The following ABCA3 variants were observed in gnomAD, a reference collection of about 807,000 sequenced individuals.
ABCA3 encodes ATP binding cassette subfamily A member 3, also known as phospholipid-transporting ATPase ABCA3.
ABCA3 carries 88 observed loss-of-function variants against 172.8 expected under a neutral mutation model. That is an observed-to-expected ratio of 0.51 (90% CI 0.43 to 0.61). The LOEUF (loss-of-function observed/expected upper bound fraction) is 0.61, where lower values mean the gene tolerates loss of function less well. Ranked by LOEUF, ABCA3 falls within the 20% of genes least tolerant of loss-of-function variation. The pLI is 0.00. For synonymous variants in ABCA3, 1,066 were observed against 983.8 expected (o/e 1.08, Z -1.56); for missense variants, 2,164 against 2,301.0 (o/e 0.94, Z 1.22).
chr16:2,316,741 C>T (rs1487988640), intron 10 of ABCA3, among the ~76,000 whole-genome samples: 1 of 150,720 alleles, frequency 6.6e-6, no homozygotes, highest in East Asian at 2.0e-4. Flanking sequence ...TGGAGTTTTA[C>T]CTGGGAGGAG....
At chr16:2,336,872 G>A (rs1301762282) in intron 1 of ABCA3, among the ~76,000 whole-genome samples, 2 of 151,488 alleles carry the variant, frequency 1.3e-5, no homozygotes, top group African/African-American at 4.9e-5. Context: ...GCATTCATAT[G>A]TTGGATAAAT....
Position 2,308,463 on chromosome 16 carries a change from T to C in ABCA3, c.1272A>G (p.Lys424=), listed in dbSNP as rs201717660. ...AMAMGAQLIG[K]FEAKGMGIQW... ...GCAAACACTCACCTTTCGCCTCAAA[T>C]TTCCCAATGAGCTGGGCTCCCATTG... The change falls in exon 11 of 33, where the codon AAA becomes AAG. Residue 424 remains lysine (K), a synonymous_variant. Coordinates refer to ENST00000301732, the MANE Select transcript of ABCA3 (RefSeq NM_001089.3). 1.2e-6 allele frequency: 2 copies of C among 1,614,174 alleles called. No homozygotes were observed. Among genetic ancestry groups the C allele is most frequent in the East Asian group, 2.2e-5 (1 of 44,886 alleles).
rs557721019 is a variant in ABCA3 at position 2,284,595 on chromosome 16, C to T, written c.3704-158G>A. ...CTGCCGGCTCTGCACAGGGCAAGGA[C>T]GCCGCAGACGCCTGCCCACCAGTCA... On this transcript the variant is annotated intron_variant, in intron 24 of 32. Transcript: ENST00000301732. The surrounding 1 kb of genome is among the most constrained non-coding windows in gnomAD (Gnocchi z 5.9). 8.5e-5 allele frequency among the ~76,000 whole-genome samples: 13 copies of T among 152,298 alleles called. No homozygotes were observed. The highest frequency in any genetic ancestry group is 2.1e-4 in the South Asian group (1 of 4,820).
In ABCA3 at chr16:2,316,249, C is replaced by T. The variant is rs2093715289; in HGVS notation, c.1111+1034G>A. On this transcript the variant is annotated intron_variant, in intron 10 of 32. Coordinates refer to ENST00000301732, the MANE Select transcript of ABCA3 (RefSeq NM_001089.3). ...CTTTGAGCCCAGCAGTTCAAGGCTGCAGTGAGCCGTGTCTGTGCCATTGCA... is the reference window on the plus strand; with the variant it reads ...CTTTGAGCCCAGCAGTTCAAGGCTGTAGTGAGCCGTGTCTGTGCCATTGCA... Among the ~76,000 whole-genome samples, 3 of 132,630 alleles carry T rather than the reference C, an allele frequency of 2.3e-5. No individual in the cohort carries two copies. The South Asian group carries it at 6.9e-4, about 31-fold the overall frequency. The allele number at this position is 132,630 out of a possible 152,430, so 87.0% of individuals were successfully genotyped here. A position where few individuals can be genotyped will look rare whatever the true frequency, so the allele number is the denominator to read the frequency against.
chr16:2,299,865 G>A (rs2093686168), intron 13 of ABCA3, 140 bp downstream of exon 13: 1 of 1,256,978 alleles, frequency 8.0e-7, no homozygotes, highest in South Asian at 1.3e-5. Context: ...GCAGCGGAGG[G>A]TTCCTGCCCT....
chr16:2,323,671 C>G lies in ABCA3; in HGVS notation c.465G>C (p.Arg155=). ...PLPLAVKYHL[R]FSYTRRNYMW... ...TGTAATTTCTCCGTGTGTAACTGAACCGTAGGTGATATTTCACCTGTGGAA... is the reference window on the plus strand; with the variant it reads ...TGTAATTTCTCCGTGTGTAACTGAAGCGTAGGTGATATTTCACCTGTGGAA... The change falls in exon 7 of 33, where the codon CGG becomes CGC. Residue 155 remains arginine, a synonymous_variant. Coordinates refer to ENST00000301732, the MANE Select transcript of ABCA3 (RefSeq NM_001089.3). 6.2e-7 allele frequency: 1 copy of G among 1,614,182 alleles called. No individual in the cohort carries two copies. Among genetic ancestry groups the G allele is most frequent in the Non-Finnish European group, 8.5e-7 (1 of 1,180,028 alleles).
rs760987081 is a variant in ABCA3 at position 2,281,421 on chromosome 16, G to C, written c.4124C>G (p.Ser1375Cys). 3 of 1,613,678 alleles carry C rather than the reference G, an allele frequency of 1.9e-6. No homozygotes were observed. The highest frequency in any genetic ancestry group is 2.5e-6 in the Non-Finnish European group (3 of 1,180,012). ...GATAATCAGAGGTGTGTGGAGCAGG[G>C]AGTCCGGACTGGGGGCCAGGATGCG... ...RTRILAPSPD[S>C]LLHTPLIIKE... The change falls in exon 27 of 33, where the codon TCC (serine) becomes TGC (cysteine). Residue 1375 changes from serine to cysteine, a missense_variant. Around this residue, in one of 3 missense-constraint regions of ABCA3, gnomAD observed 795 missense variants for 881.9 expected, o/e 0.90. Coordinates refer to ENST00000301732, the MANE Select transcript of ABCA3 (RefSeq NM_001089.3). The surrounding 1 kb of genome is among the most constrained non-coding windows in gnomAD (Gnocchi z 4.7).
At position 2,279,048 on chromosome 16, in the gene ABCA3, G is replaced by A; in HGVS notation, c.4442C>T (p.Ala1481Val). 1 of 1,613,408 alleles carries A rather than the reference G, an allele frequency of 6.2e-7. No homozygotes were observed. The highest frequency in any genetic ancestry group is 8.5e-7 in the Non-Finnish European group (1 of 1,180,042). The stretch of plus-strand genomic sequence containing the variant: ...GCGCTCAGGGATGCCCCGGAGCCGA[G>A]CGTACATGACCAGCATCTCCCGGCC... ...MTGREMLVMYARLRGIPERHI... is the reference protein window; with the variant it reads ...MTGREMLVMYVRLRGIPERHI... The change falls in exon 29 of 33, where the codon GCT (alanine) becomes GTT (valine). Residue 1481 changes from alanine to valine, a missense_variant. Around this residue, in one of 3 missense-constraint regions of ABCA3, gnomAD observed 795 missense variants for 881.9 expected, o/e 0.90. Transcript: ENST00000301732. This position sits in a 1 kb window ranked among gnomAD's most constrained non-coding sequence, Gnocchi z 4.4.
intron 1 of ABCA3, among the ~76,000 whole-genome samples, chr16:2,340,239 C>T (rs548003692): frequency 6.6e-6 from 1 of 152,242 alleles, no homozygotes; most frequent in East Asian, 1.9e-4. Context: ...ACAGAGGGCC[C>T]GGGCCGTGCC....
At position 2,287,281 on chromosome 16, in the gene ABCA3, ACT is replaced by A. The variant is rs375484015; in HGVS notation, c.3005-316_3005-315del. 8.2e-4 allele frequency among the ~76,000 whole-genome samples: 121 copies of A among 146,924 alleles called. 1 individual carries two copies. Among genetic ancestry groups the A allele is most frequent in the African/African-American group, 2.9e-3 (117 of 40,428 alleles). ...GCAGTATCCAACTATGACTACCAAG[ACT>A]CTTTCTTTTTTTTTTTGAGACAGTC... On this transcript the variant is annotated intron_variant, in intron 21 of 32. Coordinates refer to ENST00000301732, the MANE Select transcript of ABCA3 (RefSeq NM_001089.3). This position sits in a 1 kb window ranked among gnomAD's most constrained non-coding sequence, Gnocchi z 4.1.
intron 6 of ABCA3, among the ~76,000 whole-genome samples, chr16:2,324,123 T>G (rs977438219): frequency 6.6e-6 from 1 of 152,182 alleles, no homozygotes; most frequent in South Asian, 2.1e-4. Flanking sequence ...TGGAGACCAG[T>G]AATATCTTTC....
chr16:2,288,010 C>A lies in ABCA3; in HGVS notation c.3004+16G>T. 1 of 1,600,888 alleles carries A rather than the reference C, an allele frequency of 6.2e-7. No homozygotes were observed. On this transcript the variant is annotated intron_variant, in intron 21 of 32. Coordinates refer to ENST00000301732, the MANE Select transcript of ABCA3 (RefSeq NM_001089.3). ...GGCCCCCGATGCCCCCGTCCCGCCCCCGGGATGCCCCTTACCGAGCACCTC... is the reference window on the plus strand; with the variant it reads ...GGCCCCCGATGCCCCCGTCCCGCCCACGGGATGCCCCTTACCGAGCACCTC...
intron 7 of ABCA3, 128 bp from the exon 8 acceptor site, chr16:2,319,968 C>T (rs1475593448): frequency 7.9e-7 from 1 of 1,258,746 alleles, no homozygotes; most frequent in East Asian, 2.5e-5. Flanking sequence ...CTCAGGACCC[C>T]CGTGGCCGCT....
chr16:2,329,853 A>G lies in ABCA3; in HGVS notation c.-537T>C, dbSNP rs149209794. On this transcript the variant is annotated splice_region_variant and 5_prime_UTR_variant, in exon 2 of 33. Transcript: ENST00000301732. ...GGGCTCACAGGCATGACTCTCCAGC[A>G]CCTTTGGACAGATGGAAGGTGTTTG... 4.0e-4 allele frequency: 61 copies of G among 152,350 alleles called. No individual in the cohort carries two copies. The highest frequency in any genetic ancestry group is 1.4e-3 in the African/African-American group (60 of 41,584). 9.4% of individuals were successfully genotyped at this position (152,350 alleles called of 1,614,324 possible). A position where few individuals can be genotyped will look rare whatever the true frequency, so the allele number is the denominator to read the frequency against.
rs1004446197 is a variant in ABCA3, at chr16:2,283,795, C to T, written c.3863-437G>A. 1.2e-5 allele frequency: 3 copies of T among 249,808 alleles called. No homozygotes were observed. The highest frequency in any genetic ancestry group is 7.8e-6 in the Non-Finnish European group (1 of 127,788). The allele number at this position is 249,808 out of a possible 1,614,324, so 15.5% of individuals were successfully genotyped here. On this transcript the variant is annotated intron_variant, in intron 25 of 32. Transcript: ENST00000301732. The surrounding 1 kb of genome is among the most constrained non-coding windows in gnomAD (Gnocchi z 5.4). ...CTTTGAATATGTGATTAGTAAGGATCTTAAGGTGAGACACTGGATTAGTGT... is the reference window on the plus strand; with the variant it reads ...CTTTGAATATGTGATTAGTAAGGATTTTAAGGTGAGACACTGGATTAGTGT...
chr16:2,335,862 T>TTG (rs1169639893), intron 1 of ABCA3, among the ~76,000 whole-genome samples: 1 of 152,238 alleles, frequency 6.6e-6, no homozygotes, highest in African/African-American at 2.4e-5. Flanking sequence ...TGAGTATCTT[T>TTG]TGTGTGACTT....
intron 14 of ABCA3, 151 bp from the exon 15 acceptor site, chr16:2,298,691 G>A (rs2093684114): frequency 8.8e-6 from 8 of 911,466 alleles, no homozygotes; most frequent in Non-Finnish European, 1.2e-5. Context: ...CACTGGGGTG[G>A]GCTTTGGCTG....
chr16:2,317,843 G>T, intron 8 of ABCA3, 79 bp from the exon 9 acceptor site: 1 of 1,338,244 alleles, frequency 7.5e-7, no homozygotes, highest in Non-Finnish European at 1.1e-6. Flanking sequence ...GACGGCAGCA[G>T]GCCTGAGTCC....
intron 1 of ABCA3, chr16:2,332,286 AG>A (rs547775136): frequency 3.0e-4 from 179 of 599,972 alleles, no homozygotes; most frequent in Non-Finnish European, 4.9e-4. Flanking sequence ...TTTATTATAC[AG>A]GTGAATTTTG....
Sources: gnomAD v4.1 joint callset for allele counts (sites outside exome capture counted in the v4.1 genomes callset) on GRCh38, gnomAD v4.1.1 for gene constraint, gnomAD v4.1.1 regional missense constraint, Gnocchi (gnomAD v3.1) non-coding constraint, MANE v1.5 for transcripts, NCBI Gene and HGNC (gene_info 2026-07-23, HGNC 2026-07-21) for gene names.